Variants in LARGE1 observed in about 807,000 individuals in gnomAD.
LARGE1 encodes the protein LARGE xylosyl- and glucuronyltransferase 1, also known as xylosyl- and glucuronyltransferase LARGE1.
A neutral mutation model predicts 87.6 loss-of-function variants in LARGE1; 43 were observed. The observed-to-expected ratio is 0.49, with a 90% CI of 0.38 to 0.63. The LOEUF is 0.63. Ranked by LOEUF, LARGE1 falls within the 30% of genes least tolerant of loss-of-function variation. The pLI is 0.00. For synonymous variants in LARGE1, 434 were observed against 394.6 expected, an observed-to-expected ratio of 1.10 and a Z score of -1.18; for missense variants, 802 against 1,000.2, an observed-to-expected ratio of 0.80 and a Z score of 2.67.
At position 33,823,661 on chromosome 22, in the gene LARGE1, T is replaced by C. The variant is rs1210513913; in HGVS notation, c.-82-62103A>G. Among the ~76,000 whole-genome samples, 9 of 152,200 alleles carry C rather than the reference T, an allele frequency of 5.9e-5. 1 individual carries two copies. The highest frequency in any genetic ancestry group is 5.2e-4 in the Admixed American group (8 of 15,270). On this transcript the variant is annotated intron_variant, in intron 1 of 14. Coordinates refer to ENST00000397394, the MANE Select transcript of LARGE1 (RefSeq NM_133642.5). ...GACTCATCCCTATACACAGTGTGAC[T>C]GTAGACAGATGCATCTGCACACAGC... is the stretch of plus-strand genomic sequence containing the variant.
chr22:33,547,054 AT>A (rs11454236), intron 6 of LARGE1, among the ~76,000 whole-genome samples: 6 of 151,320 alleles, frequency 4.0e-5, no homozygotes, highest in Admixed American at 6.6e-5. Context: ...CTTTTTAAGC[AT>A]TTTTTTTTCT....
chr22:33,549,375 T>C (rs1037868856), intron 6 of LARGE1, among the ~76,000 whole-genome samples: 5 of 152,272 alleles, frequency 3.3e-5, no homozygotes, highest in African/African-American at 1.2e-4. Flanking sequence ...TTCACGGATA[T>C]GCAGATGAGC....
chr22:33,867,587 C>T (rs764857954), intron 1 of LARGE1, among the ~76,000 whole-genome samples: 33 of 152,324 alleles, frequency 2.2e-4, no homozygotes, highest in Non-Finnish European at 4.1e-4. Flanking sequence ...GCCTGCGTTT[C>T]TATTTCCAAA....
chr22:33,238,806 T>C (rs1039309102), intron 11 of LARGE1, among the ~76,000 whole-genome samples: 6 of 152,186 alleles, frequency 3.9e-5, no homozygotes, highest in African/African-American at 1.4e-4. Flanking sequence ...ACAGAACCCT[T>C]TGTGACATTA....
intron 2 of LARGE1, among the ~76,000 whole-genome samples, chr22:33,727,815 A>G (rs1228173588): frequency 6.6e-6 from 1 of 152,190 alleles, no homozygotes; most frequent in Non-Finnish European, 1.5e-5. Flanking sequence ...CAAGGCAACG[A>G]CAGTCAGGGA....
At chr22:33,554,037 G>A (rs1386731712) in intron 6 of LARGE1, among the ~76,000 whole-genome samples, 3 of 152,144 alleles carry the variant, frequency 2.0e-5, no homozygotes, top group Admixed American at 1.3e-4. Context: ...ACTTTTCAAC[G>A]CAGCGGCAGC....
At chr22:33,659,266 A>AT (rs1384315496) in intron 2 of LARGE1, among the ~76,000 whole-genome samples, 1 of 152,204 alleles carries the variant, frequency 6.6e-6, no homozygotes, top group African/African-American at 2.4e-5. Context: ...TTGTTAGAAA[A>AT]TGCCCTCCTT....
intron 4 of LARGE1, among the ~76,000 whole-genome samples, chr22:33,614,473 C>G (rs1340527291): frequency 6.6e-6 from 1 of 152,116 alleles, no homozygotes; most frequent in East Asian, 1.9e-4. Context: ...TAAGCCCCAG[C>G]CTCTCGCATG....
At chr22:33,261,142 A>T (rs1034112703) in intron 11 of LARGE1, among the ~76,000 whole-genome samples, 1 of 152,158 alleles carries the variant, frequency 6.6e-6, no homozygotes, top group African/African-American at 2.4e-5. Context: ...CAAAGGTGGG[A>T]ACACAGTGGT....
chr22:33,649,959 T>C (rs1018956070), intron 3 of LARGE1, among the ~76,000 whole-genome samples: 4 of 152,196 alleles, frequency 2.6e-5, no homozygotes, highest in African/African-American at 7.2e-5. Flanking sequence ...GAAGTGATAA[T>C]GAGGTCTAAG....
intron 11 of LARGE1, among the ~76,000 whole-genome samples, chr22:33,253,972 A>C (rs1252044631): frequency 6.6e-6 from 1 of 151,044 alleles, no homozygotes; most frequent in Non-Finnish European, 1.5e-5. Context: ...AAAAGACTGC[A>C]CTTCCCAGCC....
At chr22:33,067,435 T>C in the LARGE1 span, among the ~76,000 whole-genome samples, 2 of 152,156 alleles carry the variant, frequency 1.3e-5, no homozygotes, top group African/African-American at 2.4e-5. Context: ...ATGATAATGA[T>C]AGTAATAATT....
At chr22:33,475,999 C>T (rs2069062399) in intron 6 of LARGE1, among the ~76,000 whole-genome samples, 1 of 152,202 alleles carries the variant, frequency 6.6e-6, no homozygotes, top group African/African-American at 2.4e-5. Flanking sequence ...AAACCTGCTT[C>T]CCATTATATT....
rs151232363 is a variant in LARGE1 at position 33,184,524 on chromosome 22, T to C, written c.1731-17692A>G. On this transcript the variant is annotated intron_variant, in intron 11 of 11. Coordinates refer to the LARGE1 transcript ENST00000608642. ...AAATAAGTTATCAAAATCTTCACCA[T>C]AGGAGTTAGAAAAAGATAAGAAAAT... Among the ~76,000 whole-genome samples, 495 of 151,620 alleles carry C rather than the reference T, an allele frequency of 3.3e-3. 2 individuals are homozygous for C. The highest frequency in any genetic ancestry group is 5.4e-3 in the Non-Finnish European group (369 of 67,854).
At chr22:33,211,547 G>A (rs1198932866) in intron 11 of LARGE1, among the ~76,000 whole-genome samples, 1 of 151,882 alleles carries the variant, frequency 6.6e-6, no homozygotes, top group Non-Finnish European at 1.5e-5. Flanking sequence ...CCGAGGCGAT[G>A]GATCACCTGA....
At chr22:33,922,731 C>T (rs1011209447), upstream of LARGE1, 1 of 152,212 alleles carries the variant, frequency 6.6e-6, no homozygotes, top group African/African-American at 2.4e-5. Context: ...TATCTAATAT[C>T]CTAGAGACCA....
At chr22:33,395,226 C>CAAAAA (rs3071528) in intron 7 of LARGE1, among the ~76,000 whole-genome samples, 2,401 of 61,574 alleles carry the variant, frequency 0.039, 166 homozygotes, top group African/African-American at 0.056. Flanking sequence ...GACTCTGCCT[C>CAAAAA]AAAAAAAAAA....
intron 2 of LARGE1, among the ~76,000 whole-genome samples, chr22:33,680,696 T>C (rs1289912114): frequency 6.6e-6 from 1 of 152,084 alleles, no homozygotes; most frequent in Non-Finnish European, 1.5e-5. Flanking sequence ...TATTCCTGCG[T>C]CTAACAAAGA....
chr22:33,480,416 G>A (rs1269489557), intron 6 of LARGE1, among the ~76,000 whole-genome samples: 3 of 2,322 alleles, frequency 1.3e-3, no homozygotes, highest in Non-Finnish European at 1.8e-3. Flanking sequence ...AAGTCAAGCG[G>A]GTATAATCTC....
Sources: gnomAD v4.1 joint callset for allele counts (sites outside exome capture counted in the v4.1 genomes callset) on GRCh38, gnomAD v4.1.1 for gene constraint, MANE v1.5 for transcripts, NCBI Gene and HGNC (gene_info 2026-07-23, HGNC 2026-07-21) for gene names.